Variants in METTL25 observed in about 807,000 individuals in gnomAD.
METTL25 encodes the protein methyltransferase like 25.
Under a neutral mutation model 71.6 loss-of-function variants are expected in METTL25, and 64 were observed. That is an observed-to-expected ratio of 0.89 (90% CI 0.73 to 1.10). The LOEUF is 1.10. METTL25 is among the 50% of genes least tolerant of loss of function. The pLI is 0.00. For missense variants in METTL25, 807 were observed against 707.0 expected (o/e 1.14, Z -1.60); for synonymous variants, 287 against 250.3 (o/e 1.15, Z -1.38).
At chr12:82,452,251 A>G (rs1592748129) in intron 8 of METTL25, among the ~76,000 whole-genome samples, 1 of 152,102 alleles carries the variant, frequency 6.6e-6, no homozygotes, top group African/African-American at 2.4e-5. Context: ...CACACCCCAT[A>G]TTCCTTTTGT....
intron 5 of METTL25, among the ~76,000 whole-genome samples, chr12:82,423,209 A>T (rs891205786): frequency 6.6e-6 from 1 of 152,172 alleles, no homozygotes; most frequent in Admixed American, 6.5e-5. Flanking sequence ...GACCAATGGA[A>T]CAGAACAGAG....
intron 1 of METTL25, 35 bp from the exon 2 acceptor site, chr12:82,386,768 A>T: frequency 6.4e-7 from 1 of 1,566,752 alleles, no homozygotes; most frequent in Non-Finnish European, 8.8e-7. Flanking sequence ...ACCATTAATT[A>T]TTGCTGAAGA....
chr12:82,468,435 C>T, intron 9 of METTL25: 1 of 154,154 alleles, frequency 6.5e-6, no homozygotes. Context: ...TGGAAAACTG[C>T]CTCCTAAATA....
intron 5 of METTL25, among the ~76,000 whole-genome samples, chr12:82,413,785 T>G (rs549995071): frequency 3.3e-4 from 50 of 152,044 alleles, no homozygotes; most frequent in Admixed American, 6.6e-4. Context: ...TTACTTATAT[T>G]GGGTTTGCAT....
chr12:82,457,739 A>C (rs1283103915), intron 9 of METTL25, among the ~76,000 whole-genome samples: 2 of 152,114 alleles, frequency 1.3e-5, no homozygotes, highest in Non-Finnish European at 2.9e-5. Flanking sequence ...ATCCCTTTGT[A>C]TGTACTATGA....
intron 5 of METTL25, among the ~76,000 whole-genome samples, chr12:82,424,697 TC>T (rs1888856923): frequency 6.6e-6 from 1 of 152,008 alleles, no homozygotes; most frequent in African/African-American, 2.4e-5. Context: ...TATGACCTTA[TC>T]TGAAAACTGG....
intron 5 of METTL25, among the ~76,000 whole-genome samples, chr12:82,416,934 A>G (rs1477977902): frequency 7.2e-5 from 11 of 152,170 alleles, no homozygotes; most frequent in Non-Finnish European, 4.4e-5. Flanking sequence ...AATCAAGAAA[A>G]TTTTATAGAA....
chr12:82,389,776 T>A, intron 2 of METTL25, 40 bp from the exon 3 acceptor site: 1 of 1,178,722 alleles, frequency 8.5e-7, no homozygotes, highest in Non-Finnish European at 1.3e-6. Flanking sequence ...CTACTAAATT[T>A]TGATTCTTTA....
At position 82,389,847 on chromosome 12, in the gene METTL25, T is replaced by C; in HGVS notation, c.456T>C (p.Asn152=). 1 of 1,605,046 alleles carries C rather than the reference T, an allele frequency of 6.2e-7. No individual in the cohort carries two copies. Among genetic ancestry groups the C allele is most frequent in the Admixed American group, 1.7e-5 (1 of 59,338 alleles). The stretch of plus-strand genomic sequence containing the variant: ...ATCAGAAGGCAGTTGAGTTTATGAA[T>C]ATGAAGAAATCTCATGAAGTTCAGG... The part of the protein sequence containing the change: ...GENQKAVEFM[N]MKKSHEVQAM... Residue 152 remains asparagine, a synonymous_variant, in exon 3 of 12, where the codon AAT becomes AAC. Transcript: ENST00000248306.
At chr12:82,368,152 C>CT (rs1313440141) in intron 1 of METTL25, among the ~76,000 whole-genome samples, 2 of 152,010 alleles carry the variant, frequency 1.3e-5, no homozygotes, top group Admixed American at 6.6e-5. Context: ...ATCTCTAACT[C>CT]TGATTAGCTG....
At chr12:82,461,002 G>T (rs1168879397) in intron 9 of METTL25, among the ~76,000 whole-genome samples, 2 of 151,966 alleles carry the variant, frequency 1.3e-5, no homozygotes, top group African/African-American at 4.8e-5. Context: ...AATTAGCCGG[G>T]CATGGTGGCG....
chr12:82,399,353 A>G lies in METTL25; in HGVS notation c.1090A>G (p.Thr364Ala). ...ATATTCACCTTTAACCTCTTTTATC[A>G]CTGCTGATTCAGAACTCCATGACAT... ...NIYSPLTSFI[T>A]ADSELHDIIK... Residue 364 changes from threonine to alanine, a missense_variant, in exon 4 of 12, where the codon ACT (threonine) becomes GCT (alanine). Transcript: ENST00000248306. The G allele has an allele frequency of 6.2e-7, 1 of 1,600,798 alleles. No homozygotes were observed. Among genetic ancestry groups the G allele is most frequent in the Non-Finnish European group, 8.5e-7 (1 of 1,175,434 alleles).
intron 5 of METTL25, 51 bp from the exon 6 acceptor site, chr12:82,430,842 G>GA: frequency 9.9e-7 from 1 of 1,008,744 alleles, no homozygotes; most frequent in Non-Finnish European, 1.5e-6. Context: ...TATTTTAACT[G>GA]AAAAAGAAAG....
At chr12:82,432,036 A>G (rs1265920318) in intron 6 of METTL25, among the ~76,000 whole-genome samples, 4 of 151,590 alleles carry the variant, frequency 2.6e-5, no homozygotes, top group Non-Finnish European at 5.9e-5. Context: ...GGAACTGTCT[A>G]TATATATATA....
chr12:82,359,600 A>C (rs1269348376), intron 1 of METTL25, among the ~76,000 whole-genome samples: 4 of 152,244 alleles, frequency 2.6e-5, no homozygotes, highest in Non-Finnish European at 5.9e-5. Context: ...AGTACAACAG[A>C]TGATTGTATC....
chr12:82,404,972 A>G (rs1886964785), intron 5 of METTL25, among the ~76,000 whole-genome samples: 1 of 151,544 alleles, frequency 6.6e-6, no homozygotes, highest in African/African-American at 2.4e-5. Context: ...AATTAGAGTC[A>G]CTATCCTTAC....
chr12:82,414,865 A>G (rs1249026392), intron 5 of METTL25, among the ~76,000 whole-genome samples: 1 of 152,162 alleles, frequency 6.6e-6, no homozygotes, highest in African/African-American at 2.4e-5. Flanking sequence ...ATAAATTACC[A>G]GAAAGTTGCC....
chr12:82,469,538 C>G (rs1294652704), intron 9 of METTL25, among the ~76,000 whole-genome samples: 1 of 151,886 alleles, frequency 6.6e-6, no homozygotes, highest in East Asian at 2.0e-4. Context: ...GGGGAAACTG[C>G]CCCCATGATT....
chr12:82,425,162 G>A (rs1271816798), intron 5 of METTL25, among the ~76,000 whole-genome samples: 3 of 152,012 alleles, frequency 2.0e-5, no homozygotes, highest in South Asian at 2.1e-4. Context: ...GACAGAGGGT[G>A]CTCACAGACT....
Sources: gnomAD v4.1 joint callset for allele counts (sites outside exome capture counted in the v4.1 genomes callset) on GRCh38, gnomAD v4.1.1 for gene constraint, MANE v1.5 for transcripts, NCBI Gene and HGNC (gene_info 2026-07-23, HGNC 2026-07-21) for gene names.